The following TSPAN18 variants were observed in gnomAD, a reference collection of about 807,000 sequenced individuals.
The protein encoded by TSPAN18 is tetraspanin 18.
A neutral mutation model predicts 27.3 loss-of-function variants in TSPAN18; 14 were observed. The observed-to-expected ratio is 0.51, with a 90% CI of 0.34 to 0.80. The LOEUF is 0.80. TSPAN18 is among the 30% of genes least tolerant of loss of function. The pLI is 0.01. For missense variants in TSPAN18, 268 were observed against 323.9 expected (o/e 0.83, Z 1.32); for synonymous variants, 143 against 136.5 (o/e 1.05, Z -0.33).
chr11:44,810,862 G>C (rs1389479654), intron 2 of TSPAN18, among the ~76,000 whole-genome samples: 1 of 152,000 alleles, frequency 6.6e-6, no homozygotes, highest in African/African-American at 2.4e-5. Flanking sequence ...GCCCGCCGTG[G>C]CCTCTCAAAG....
At chr11:44,880,184 G>A (rs1452354066) in intron 3 of TSPAN18, among the ~76,000 whole-genome samples, 7 of 152,204 alleles carry the variant, frequency 4.6e-5, no homozygotes, top group East Asian at 3.8e-4. Context: ...CCAGAAGAGC[G>A]CCAGGATGGC....
rs868749324 is a variant in TSPAN18 at position 44,909,431 on chromosome 11, G to A, written c.64-274G>A. The A allele has an allele frequency of 1.8e-5, 8 of 440,074 alleles. No homozygotes were observed. The South Asian group carries it at 3.1e-4, about 17-fold the overall frequency. The allele number at this position is 440,074 out of a possible 1,614,324, so 27.3% of individuals were successfully genotyped here. On this transcript the variant is annotated intron_variant, in intron 4 of 9. Coordinates refer to ENST00000520358, the MANE Select transcript of TSPAN18 (RefSeq NM_130783.5). ...CAAGAGAAGATAAAATTGGCAAATA[G>A]CCTTTATGTGATACAGCCCGAGGTG...
intron 2 of TSPAN18, among the ~76,000 whole-genome samples, chr11:44,778,564 C>G (rs897629255): frequency 3.3e-5 from 5 of 152,078 alleles, no homozygotes; most frequent in Admixed American, 2.0e-4. Flanking sequence ...GAGGAAATCT[C>G]TTTGTGTCTC....
chr11:44,893,019 T>C (rs186875910), intron 3 of TSPAN18, among the ~76,000 whole-genome samples: 4 of 152,372 alleles, frequency 2.6e-5, no homozygotes, highest in Admixed American at 2.6e-4. Context: ...CTGTGCTGTG[T>C]GACTCTGGGC....
intron 2 of TSPAN18, among the ~76,000 whole-genome samples, chr11:44,826,636 CT>C (rs1857048759): frequency 2.0e-5 from 3 of 152,198 alleles, no homozygotes; most frequent in African/African-American, 4.8e-5. Context: ...GTTTAAGTCA[CT>C]TGCCCAAAGT....
chr11:44,731,454 A>C (rs1346735041), intron 1 of TSPAN18, among the ~76,000 whole-genome samples: 1 of 152,192 alleles, frequency 6.6e-6, no homozygotes, highest in African/African-American at 2.4e-5. Context: ...AAAACTAGTA[A>C]AACATTTAGC....
chr11:44,824,523 G>A (rs1565166121), intron 2 of TSPAN18, among the ~76,000 whole-genome samples: 1 of 152,202 alleles, frequency 6.6e-6, no homozygotes, highest in Non-Finnish European at 1.5e-5. Flanking sequence ...GAATACCTCT[G>A]GGGCAGTCAG....
intron 3 of TSPAN18, among the ~76,000 whole-genome samples, chr11:44,884,892 G>A (rs1858597589): frequency 6.6e-6 from 1 of 152,160 alleles, no homozygotes; most frequent in African/African-American, 2.4e-5. Flanking sequence ...TTCACTGAGA[G>A]TCCTCTGCAT....
intron 8 of TSPAN18, among the ~76,000 whole-genome samples, chr11:44,922,471 G>A (rs938322965): frequency 1.1e-4 from 17 of 152,152 alleles, no homozygotes; most frequent in African/African-American, 3.9e-4. Flanking sequence ...TCTGGGAAGA[G>A]TTGAGTTCAC....
intron 2 of TSPAN18, among the ~76,000 whole-genome samples, chr11:44,809,872 A>C (rs1048153818): frequency 1.4e-4 from 21 of 152,198 alleles, no homozygotes; most frequent in Admixed American, 2.0e-4. Flanking sequence ...ATGTTAGCTT[A>C]ATGCATCTTA....
chr11:44,748,958 A>G (rs1364104336), intron 1 of TSPAN18, among the ~76,000 whole-genome samples: 1 of 152,148 alleles, frequency 6.6e-6, no homozygotes, highest in African/African-American at 2.4e-5. Context: ...CAACAACCCT[A>G]CAGGTTAAGT....
intron 3 of TSPAN18, among the ~76,000 whole-genome samples, chr11:44,862,309 A>AG (rs1308753309): frequency 6.6e-6 from 1 of 152,314 alleles, no homozygotes; most frequent in Non-Finnish European, 1.5e-5. Context: ...ATTCCTCTGC[A>AG]GAAAAAATAC....
chr11:44,800,345 G>T (rs897983361), intron 2 of TSPAN18, among the ~76,000 whole-genome samples: 1 of 152,202 alleles, frequency 6.6e-6, no homozygotes, highest in East Asian at 1.9e-4. Context: ...AGAGGCCCCA[G>T]AGCTGGGGGA....
intron 2 of TSPAN18, among the ~76,000 whole-genome samples, chr11:44,795,123 T>C (rs531451253): frequency 8.1e-6 from 1 of 123,316 alleles, no homozygotes; most frequent in Non-Finnish European, 1.6e-5. Context: ...TAGAGTCAGA[T>C]CTAAGTTCCT....
chr11:44,869,186 G>C (rs949609345), intron 3 of TSPAN18, among the ~76,000 whole-genome samples: 3 of 152,174 alleles, frequency 2.0e-5, no homozygotes, highest in African/African-American at 7.2e-5. Context: ...TAAGGTGATC[G>C]GTTTTGACTC....
At chr11:44,738,471 A>G (rs1050793651) in intron 1 of TSPAN18, among the ~76,000 whole-genome samples, 1 of 152,240 alleles carries the variant, frequency 6.6e-6, no homozygotes, top group African/African-American at 2.4e-5. Flanking sequence ...GGGACTAAAT[A>G]TAACACATAA....
chr11:44,887,012 G>T (rs1224813507), intron 3 of TSPAN18, among the ~76,000 whole-genome samples: 1 of 152,234 alleles, frequency 6.6e-6, no homozygotes, highest in Admixed American at 6.5e-5. Context: ...GTTGTTGGAA[G>T]AATTTACTCT....
intron 2 of TSPAN18, among the ~76,000 whole-genome samples, chr11:44,769,345 T>C (rs1166848441): frequency 6.6e-6 from 1 of 152,192 alleles, no homozygotes; most frequent in Non-Finnish European, 1.5e-5. Context: ...GAGATATTGG[T>C]CTGTAGTTTT....
chr11:44,928,396 G>T (rs746234911), intron 9 of TSPAN18, among the ~76,000 whole-genome samples: 1 of 152,166 alleles, frequency 6.6e-6, no homozygotes, highest in African/African-American at 2.4e-5. Context: ...TGTAAGCATG[G>T]GCTCTGGGGT....
Sources: gnomAD v4.1 joint callset for allele counts (sites outside exome capture counted in the v4.1 genomes callset) on GRCh38, gnomAD v4.1.1 for gene constraint, MANE v1.5 for transcripts, NCBI Gene and HGNC (gene_info 2026-07-23, HGNC 2026-07-21) for gene names.